Variants in TMEM117 observed in about 807,000 individuals in gnomAD.
The protein encoded by TMEM117 is transmembrane protein 117.
Under a neutral mutation model 52.4 loss-of-function variants are expected in TMEM117, and 27 were observed. The observed-to-expected ratio is 0.51, with a 90% CI of 0.38 to 0.71. The LOEUF (loss-of-function observed/expected upper bound fraction) is 0.71, where lower values mean the gene tolerates loss of function less well. Among genes scored for constraint, TMEM117 ranks in the 30% least tolerant of loss-of-function variants. The pLI is 0.00. For missense variants in TMEM117, 556 were observed against 630.5 expected, an observed-to-expected ratio of 0.88 and a Z score of 1.26; for synonymous variants, 215 against 206.3, an observed-to-expected ratio of 1.04 and a Z score of -0.36.
chr12:43,818,270 T>C, the TMEM117 span, among the ~76,000 whole-genome samples: 2 of 152,190 alleles, frequency 1.3e-5, no homozygotes, highest in Non-Finnish European at 1.5e-5. Context: ...AAAGTACATA[T>C]AAGTAAGTAC....
chr12:44,062,412 A>G (rs747977608), intron 3 of TMEM117, among the ~76,000 whole-genome samples: 3 of 152,324 alleles, frequency 2.0e-5, no homozygotes, highest in Middle Eastern at 3.4e-3. Context: ...GTCTCAGGGT[A>G]TCTAATTAAA....
rs199609896 is a variant in TMEM117 at position 43,940,733 on chromosome 12, C to T, written c.278-3477C>T. Among the ~76,000 whole-genome samples the T allele has an allele frequency of 6.3e-4, 96 of 151,996 alleles. No homozygotes were observed. In the East Asian group the frequency reaches 0.016, roughly 25 times the overall value. Reference sequence around the variant, plus strand: ...ATATTTTTGTATTTTTAGTAGAAACCGGGTTTCACCATGTTAGCCAGGCTG... The same window carrying T: ...ATATTTTTGTATTTTTAGTAGAAACTGGGTTTCACCATGTTAGCCAGGCTG... On this transcript the variant is annotated intron_variant, in intron 2 of 7. Coordinates refer to ENST00000266534, the MANE Select transcript of TMEM117 (RefSeq NM_032256.3).
intron 6 of TMEM117, among the ~76,000 whole-genome samples, chr12:44,345,655 T>A (rs1951476151): frequency 6.6e-6 from 1 of 152,116 alleles, no homozygotes; most frequent in African/African-American, 2.4e-5. Context: ...AACAGACTAA[T>A]ACAAAAATCC....
chr12:43,821,089 C>T, the TMEM117 span, among the ~76,000 whole-genome samples: 72 of 148,306 alleles, frequency 4.9e-4, no homozygotes, highest in Middle Eastern at 6.9e-3. Flanking sequence ...AGCAAGACTC[C>T]CTCTCACATT....
In TMEM117 at chr12:43,851,961, A is replaced by G. The variant is rs12231978; in HGVS notation, c.277+7033A>G. 9.7e-4 allele frequency among the ~76,000 whole-genome samples: 147 copies of G among 152,306 alleles called. 1 individual carries two copies. The East Asian group carries it at 0.025, about 26-fold the overall frequency. ...AGTGGCAAATGCAGAAATGGATTTC[A>G]TATTCTTGTGTCTTAAAGCAAACGT... On this transcript the variant is annotated intron_variant, in intron 2 of 7. Coordinates refer to ENST00000266534, the MANE Select transcript of TMEM117 (RefSeq NM_032256.3).
At chr12:43,890,736 T>A (rs550850227) in intron 2 of TMEM117, among the ~76,000 whole-genome samples, 1 of 152,242 alleles carries the variant, frequency 6.6e-6, no homozygotes, top group East Asian at 1.9e-4. Context: ...TTCACCATCT[T>A]GGCCAGGCTG....
intron 2 of TMEM117, among the ~76,000 whole-genome samples, chr12:43,920,462 G>A (rs1016274351): frequency 4.7e-5 from 7 of 150,174 alleles, no homozygotes; most frequent in Admixed American, 6.6e-5. Context: ...GCAGTGAGCC[G>A]AGATCACACC....
At chr12:44,088,115 G>GA (rs1947603101) in intron 3 of TMEM117, among the ~76,000 whole-genome samples, 1 of 152,158 alleles carries the variant, frequency 6.6e-6, no homozygotes, top group South Asian at 2.1e-4. Context: ...AGTTAAGAGT[G>GA]AAAAAGTCAA....
chr12:43,853,968 G>A (rs2137380130), intron 2 of TMEM117, among the ~76,000 whole-genome samples: 1 of 152,224 alleles, frequency 6.6e-6, no homozygotes, highest in Admixed American at 6.5e-5. Context: ...CTTTTTTTTG[G>A]AGTTGGGGTA....
At chr12:43,956,208 A>G (rs943436032) in intron 3 of TMEM117, among the ~76,000 whole-genome samples, 2 of 152,212 alleles carry the variant, frequency 1.3e-5, no homozygotes, top group Admixed American at 6.5e-5. Flanking sequence ...AATCTAGGCA[A>G]TACCATTCAG....
intron 2 of TMEM117, among the ~76,000 whole-genome samples, chr12:43,892,559 G>C (rs994638777): frequency 4.6e-5 from 7 of 152,184 alleles, no homozygotes; most frequent in Admixed American, 3.9e-4. Flanking sequence ...AACTTTGCAA[G>C]CAGGCTTTTC....
chr12:44,371,776 G>A (rs943717388), intron 6 of TMEM117, among the ~76,000 whole-genome samples: 8 of 152,150 alleles, frequency 5.3e-5, no homozygotes, highest in East Asian at 1.9e-4. Flanking sequence ...GATATCCTGA[G>A]ACGATCTTGC....
At chr12:44,387,219 C>T (rs1003554314) in intron 7 of TMEM117, among the ~76,000 whole-genome samples, 2 of 151,564 alleles carry the variant, frequency 1.3e-5, no homozygotes, top group Non-Finnish European at 2.9e-5. Context: ...TTATAATGGA[C>T]TCTAGTATAC....
intron 5 of TMEM117, among the ~76,000 whole-genome samples, chr12:44,261,479 A>T (rs962051957): frequency 6.6e-6 from 1 of 152,140 alleles, no homozygotes; most frequent in South Asian, 2.1e-4. Context: ...AAGCTTTTTG[A>T]TATTACTGAG....
intron 5 of TMEM117, among the ~76,000 whole-genome samples, chr12:44,268,536 T>C (rs1950407530): frequency 6.6e-6 from 1 of 151,848 alleles, no homozygotes; most frequent in African/African-American, 2.4e-5. Flanking sequence ...TATAGAAGAG[T>C]GTATTATAAA....
At chr12:43,908,619 A>G (rs1483954650) in intron 2 of TMEM117, among the ~76,000 whole-genome samples, 1 of 152,106 alleles carries the variant, frequency 6.6e-6, no homozygotes, top group African/African-American at 2.4e-5. Context: ...GGGCAGAGAC[A>G]CACATAGGCT....
Position 44,177,751 on chromosome 12 carries a change from T to G in TMEM117, c.511-33539T>G, listed in dbSNP as rs139638041. Reference sequence around the variant, plus strand: ...GTAGTTTCTCAGTTTAGGAGGAGAATTTCATGATTATTTTGTTAATTTCAG... The same window carrying G: ...GTAGTTTCTCAGTTTAGGAGGAGAAGTTCATGATTATTTTGTTAATTTCAG... On this transcript the variant is annotated intron_variant, in intron 4 of 7. Coordinates refer to ENST00000266534, the MANE Select transcript of TMEM117 (RefSeq NM_032256.3). 3.6e-3 allele frequency among the ~76,000 whole-genome samples: 549 copies of G among 152,300 alleles called. 3 individuals are homozygous for G. Among genetic ancestry groups the G allele is most frequent in the East Asian group, 0.014 (75 of 5,180 alleles).
intron 2 of TMEM117, among the ~76,000 whole-genome samples, chr12:43,882,460 C>CAAAAA (rs57833998): frequency 1.7e-5 from 2 of 117,240 alleles, no homozygotes; most frequent in African/African-American, 3.5e-5. Context: ...AACTTCATCT[C>CAAAAA]AAAAAAAAAA....
At chr12:43,801,602 G>A in the TMEM117 span, among the ~76,000 whole-genome samples, 31 of 152,154 alleles carry the variant, frequency 2.0e-4, no homozygotes, top group Middle Eastern at 3.4e-3. Context: ...GAATGGTAGC[G>A]ATTAATAAAT....
Sources: gnomAD v4.1 joint callset for allele counts (sites outside exome capture counted in the v4.1 genomes callset) on GRCh38, gnomAD v4.1.1 for gene constraint, MANE v1.5 for transcripts, NCBI Gene and HGNC (gene_info 2026-07-23, HGNC 2026-07-21) for gene names.